Variants in MIPEP observed in about 807,000 individuals in gnomAD.
The protein encoded by MIPEP is mitochondrial intermediate peptidase.
A neutral mutation model predicts 90.3 loss-of-function variants in MIPEP; 79 were observed. The ratio of observed to expected loss-of-function variants is 0.87; its 90% confidence interval spans 0.73 to 1.05. The LOEUF is 1.05. MIPEP is among the 50% of genes least tolerant of loss of function. MIPEP has a pLI of 0.00. For synonymous variants in MIPEP, 334 were observed against 315.8 expected, an observed-to-expected ratio of 1.06 and a Z score of -0.61; for missense variants, 940 against 905.6, an observed-to-expected ratio of 1.04 and a Z score of -0.49.
intron 16 of MIPEP, among the ~76,000 whole-genome samples, chr13:23,769,674 A>T (rs1952629214): frequency 6.6e-6 from 1 of 152,214 alleles, no homozygotes; most frequent in Non-Finnish European, 1.5e-5. Context: ...GGAATCAGGC[A>T]GCCAGCACCT....
chr13:23,791,521 G>A (rs927887611), intron 16 of MIPEP, among the ~76,000 whole-genome samples: 3 of 152,100 alleles, frequency 2.0e-5, no homozygotes, highest in African/African-American at 7.2e-5. Flanking sequence ...TTGCATCTTT[G>A]TTCACACACC....
chr13:23,822,353 T>C (rs546206706), intron 14 of MIPEP, among the ~76,000 whole-genome samples: 3 of 152,336 alleles, frequency 2.0e-5, no homozygotes, highest in South Asian at 2.1e-4. Context: ...CTGTCTAATA[T>C]GCTAAAGTTG....
chr13:23,842,184 T>C (rs917045146), intron 10 of MIPEP: 3 of 152,180 alleles, frequency 2.0e-5, no homozygotes, highest in Non-Finnish European at 4.4e-5. Flanking sequence ...TATATAGCCA[T>C]AGCCAAAAAT....
At chr13:23,787,405 G>GGAGAGA (rs59011010) in intron 16 of MIPEP, among the ~76,000 whole-genome samples, 2 of 136,970 alleles carry the variant, frequency 1.5e-5, no homozygotes, top group African/African-American at 5.2e-5. Context: ...ACGGGGAGAG[G>GGAGAGA]GAGAGAGAGA....
At chr13:23,859,055 A>G (rs1870173264) in intron 9 of MIPEP, 143 bp from the exon 10 acceptor site, 1 of 710,588 alleles carries the variant, frequency 1.4e-6, no homozygotes, top group Non-Finnish European at 2.4e-6. Flanking sequence ...AAAAATTGAT[A>G]GCTTGGCAGA....
chr13:23,730,252 G>T lies in MIPEP; in HGVS notation c.*96C>A. ...TAAAGTTTTTCAGAATTACAGAAGC[G>T]AACAATGAAATCAGAAACAAGCTCT... On this transcript the variant is annotated 3_prime_UTR_variant, in exon 19 of 19. Transcript: ENST00000382172. The T allele has an allele frequency of 2.6e-6, 2 of 773,234 alleles. No individual in the cohort carries two copies. Among genetic ancestry groups the T allele is most frequent in the South Asian group, 1.8e-5 (1 of 57,136 alleles). 47.9% of individuals were successfully genotyped at this position (773,234 alleles called of 1,614,324 possible).
intron 14 of MIPEP, among the ~76,000 whole-genome samples, chr13:23,832,870 G>A (rs556810521): frequency 6.2e-4 from 94 of 152,290 alleles, no homozygotes; most frequent in African/African-American, 2.2e-3. Flanking sequence ...TTGTCAAGAC[G>A]TTCTGAATCT....
intron 16 of MIPEP, among the ~76,000 whole-genome samples, chr13:23,783,135 C>T (rs536521942): frequency 3.3e-5 from 5 of 152,258 alleles, no homozygotes; most frequent in East Asian, 3.9e-4. Context: ...ATACCAAAGC[C>T]GGGCAGAGAC....
At chr13:23,782,196 T>C (rs895850693) in intron 16 of MIPEP, among the ~76,000 whole-genome samples, 1 of 152,166 alleles carries the variant, frequency 6.6e-6, no homozygotes, top group African/African-American at 2.4e-5. Context: ...ATTGACCACA[T>C]AGTTGGAAGT....
intron 10 of MIPEP, among the ~76,000 whole-genome samples, chr13:23,841,711 T>C (rs550659936): frequency 1.3e-5 from 2 of 152,336 alleles, no homozygotes; most frequent in South Asian, 4.1e-4. Context: ...AAGGTAGATA[T>C]ATCATTCCCT....
chr13:23,750,602 C>T (rs917059551), intron 18 of MIPEP, among the ~76,000 whole-genome samples: 37 of 152,232 alleles, frequency 2.4e-4, no homozygotes, highest in Non-Finnish European at 4.3e-4. Flanking sequence ...TGACTGAGGT[C>T]GTATTTGTCA....
intron 16 of MIPEP, among the ~76,000 whole-genome samples, chr13:23,780,474 C>CAA (rs1952769124): frequency 6.6e-6 from 1 of 152,082 alleles, no homozygotes; most frequent in African/African-American, 2.4e-5. Context: ...CATCAAAGAC[C>CAA]AAAGGTAGAT....
chr13:23,883,800 G>A (rs1383062711), intron 2 of MIPEP, among the ~76,000 whole-genome samples: 3 of 152,156 alleles, frequency 2.0e-5, no homozygotes, highest in Non-Finnish European at 4.4e-5. Flanking sequence ...ACACAATTAG[G>A]TGAACAGGGT....
Position 23,889,186 on chromosome 13 carries a change from G to C in MIPEP, c.135C>G (p.Ala45=). Residue 45 remains alanine (A), a synonymous_variant, in exon 1 of 19, where the codon GCC becomes GCG. Transcript: ENST00000382172. ...TGCCCTGGGGCTTGACATTGAAGGC[G>C]GCGCCCACGGGAGACCAGCTGGTGC... ...RVSTSWSPVG[A]AFNVKPQGSR... 2 of 1,465,392 alleles carry C rather than the reference G, an allele frequency of 1.4e-6. No individual in the cohort carries two copies. Among genetic ancestry groups the C allele is most frequent in the Non-Finnish European group, 1.8e-6 (2 of 1,110,190 alleles). The allele number at this position is 1,465,392 out of a possible 1,614,324, so 90.8% of individuals were successfully genotyped here. A position where few individuals can be genotyped will look rare whatever the true frequency, so the allele number is the denominator to read the frequency against.
intron 16 of MIPEP, among the ~76,000 whole-genome samples, chr13:23,792,648 A>G (rs1952910475): frequency 6.6e-6 from 1 of 152,226 alleles, no homozygotes; most frequent in South Asian, 2.1e-4. Flanking sequence ...GTGAGCCACG[A>G]TGTCTGGCCG....
chr13:23,797,483 T>C (rs903076545), intron 16 of MIPEP, among the ~76,000 whole-genome samples: 11 of 152,332 alleles, frequency 7.2e-5, no homozygotes, highest in African/African-American at 2.6e-4. Context: ...TGGCTCATTT[T>C]ATTAAAACAG....
At chr13:23,784,673 A>G (rs1292843695) in intron 16 of MIPEP, among the ~76,000 whole-genome samples, 3 of 152,234 alleles carry the variant, frequency 2.0e-5, no homozygotes, top group Admixed American at 1.3e-4. Context: ...CTGCACAGCA[A>G]AAGAAACTAC....
chr13:23,866,027 C>T (rs949155262), intron 7 of MIPEP, among the ~76,000 whole-genome samples: 1 of 152,074 alleles, frequency 6.6e-6, no homozygotes. Flanking sequence ...TGAAACCCCC[C>T]ACTAAGTGCC....
At chr13:23,781,530 G>C (rs1418316132) in intron 16 of MIPEP, among the ~76,000 whole-genome samples, 1 of 152,196 alleles carries the variant, frequency 6.6e-6, no homozygotes, top group Non-Finnish European at 1.5e-5. Flanking sequence ...TCGATGCTAG[G>C]AAGAAACTGC....
Sources: gnomAD v4.1 joint callset for allele counts (sites outside exome capture counted in the v4.1 genomes callset) on GRCh38, gnomAD v4.1.1 for gene constraint, MANE v1.5 for transcripts, NCBI Gene and HGNC (gene_info 2026-07-23, HGNC 2026-07-21) for gene names.